TMEM108: variants seen among roughly 807,000 people sequenced by gnomAD.
TMEM108 encodes transmembrane protein 108, also known as cancer/testis antigen 124.
Under a neutral mutation model 35.1 loss-of-function variants are expected in TMEM108, and 12 were observed. The ratio of observed to expected loss-of-function variants is 0.34; its 90% CI spans 0.22 to 0.55. The LOEUF is 0.55. Among genes scored for constraint, TMEM108 ranks in the 20% least tolerant of loss-of-function variants. The pLI is 0.89. For missense variants in TMEM108, 680 were observed against 753.3 expected (o/e 0.90, Z 1.14); for synonymous variants, 287 against 308.6 (o/e 0.93, Z 0.73).
chr3:133,299,562 C>T (rs981509884), intron 3 of TMEM108, among the ~76,000 whole-genome samples: 1 of 152,190 alleles, frequency 6.6e-6, no homozygotes, highest in Non-Finnish European at 1.5e-5. Context: ...ATTATGCCCT[C>T]ATCATGCTTA....
At chr3:133,353,247 G>A (rs2072061079) in intron 3 of TMEM108, among the ~76,000 whole-genome samples, 1 of 151,900 alleles carries the variant, frequency 6.6e-6, no homozygotes. Flanking sequence ...GGGAAGTCAG[G>A]GTATTAATAA....
chr3:133,038,988 C>T lies in TMEM108; in HGVS notation c.-166+553C>T, dbSNP rs140027733. The stretch of plus-strand genomic sequence containing the variant: ...CCGGGGACGGAGCCTCCGTGCTGCC[C>T]GGGAGGTTGCTCTGCCGGCTGGACC... On this transcript the variant is annotated intron_variant, in intron 1 of 5. Transcript: ENST00000321871. Among the ~76,000 whole-genome samples, 32 of 152,286 alleles carry T rather than the reference C, an allele frequency of 2.1e-4. No individual in the cohort carries two copies. The East Asian group carries it at 6.0e-3, about 28-fold the overall frequency.
chr3:133,314,710 T>C (rs371313656), intron 3 of TMEM108, among the ~76,000 whole-genome samples: 154 of 152,348 alleles, frequency 1.0e-3, no homozygotes, highest in African/African-American at 3.7e-3. Flanking sequence ...GAATCCATCC[T>C]GGTAATTGGT....
chr3:133,319,526 G>C (rs1228293018), intron 3 of TMEM108, among the ~76,000 whole-genome samples: 1 of 152,186 alleles, frequency 6.6e-6, no homozygotes, highest in Non-Finnish European at 1.5e-5. Context: ...CAGTGGTCCT[G>C]AGTCTGTCCA....
chr3:133,268,765 G>C (rs1481584477), intron 3 of TMEM108, among the ~76,000 whole-genome samples: 2 of 152,170 alleles, frequency 1.3e-5, no homozygotes, highest in African/African-American at 2.4e-5. Context: ...TTGTCTCAGA[G>C]TCTGAAGAAC....
At chr3:133,197,916 A>G (rs1542255) in intron 2 of TMEM108, among the ~76,000 whole-genome samples, 68,539 of 152,116 alleles carry the variant, frequency 0.45, 16,671 homozygotes, top group African/African-American at 0.65. Context: ...AAAACCTTCC[A>G]TCTTTTGTCT....
intron 3 of TMEM108, among the ~76,000 whole-genome samples, chr3:133,367,843 TCAA>T (rs971643602): frequency 3.3e-5 from 5 of 152,214 alleles, no homozygotes; most frequent in African/African-American, 1.2e-4. Context: ...TCCTTCCTCC[TCAA>T]CAAGTTCTTT....
intron 3 of TMEM108, among the ~76,000 whole-genome samples, chr3:133,272,862 A>G (rs1946792277): frequency 6.6e-6 from 1 of 152,126 alleles, no homozygotes; most frequent in Admixed American, 6.5e-5. Flanking sequence ...ATGACTGGGA[A>G]ATGATATTGG....
At chr3:133,040,578 A>G (rs929830228) in intron 1 of TMEM108, among the ~76,000 whole-genome samples, 2 of 152,122 alleles carry the variant, frequency 1.3e-5, no homozygotes, top group Non-Finnish European at 1.5e-5. Flanking sequence ...GGCATAGTAT[A>G]CACTTTTATT....
At chr3:133,162,167 A>G (rs1407483213) in intron 2 of TMEM108, among the ~76,000 whole-genome samples, 3 of 151,172 alleles carry the variant, frequency 2.0e-5, no homozygotes, top group Non-Finnish European at 2.9e-5. Context: ...TTTTTCATAT[A>G]TACAAAAGGT....
At chr3:133,225,472 C>A (rs191546869) in intron 2 of TMEM108, among the ~76,000 whole-genome samples, 12 of 152,106 alleles carry the variant, frequency 7.9e-5, no homozygotes, top group Admixed American at 7.9e-4. Flanking sequence ...CCCCCCTCCC[C>A]CAAAGAAGAA....
chr3:133,129,299 C>T (rs1042017467), intron 2 of TMEM108, among the ~76,000 whole-genome samples: 9 of 151,570 alleles, frequency 5.9e-5, no homozygotes, highest in Admixed American at 1.3e-4. Flanking sequence ...GCATCGAGAT[C>T]GTACCACTGC....
chr3:133,202,772 G>A (rs1330671626), intron 2 of TMEM108, among the ~76,000 whole-genome samples: 1 of 152,182 alleles, frequency 6.6e-6, no homozygotes, highest in Non-Finnish European at 1.5e-5. Context: ...TCTTGGCAAT[G>A]TGGGCTCTTT....
At position 133,038,463 on chromosome 3, in the gene TMEM108, A is replaced by AG. The variant is rs1027560955; in HGVS notation, c.-166+29dup. On this transcript the variant is annotated intron_variant, in intron 1 of 5. Transcript: ENST00000321871. ...AAGCGGCGCTCCGGGGCGTCCCCCC[A>AG]GTCCTTCCCATGCTGGGTCCCGGCA... 7.9e-5 allele frequency: 12 copies of AG among 152,484 alleles called. 1 individual carries two copies. Among genetic ancestry groups the AG allele is most frequent in the African/African-American group, 2.9e-4 (12 of 41,582 alleles). The allele number at this position is 152,484 out of a possible 1,614,324, so 9.4% of individuals were successfully genotyped here. A position where few individuals can be genotyped will look rare whatever the true frequency, so the allele number is the denominator to read the frequency against.
chr3:133,331,999 C>T (rs960837953), intron 3 of TMEM108, among the ~76,000 whole-genome samples: 1 of 152,208 alleles, frequency 6.6e-6, no homozygotes, highest in Non-Finnish European at 1.5e-5. Flanking sequence ...TTCTACAGCA[C>T]ATTCTTGTGC....
At chr3:133,166,968 G>A (rs1244050458) in intron 2 of TMEM108, among the ~76,000 whole-genome samples, 1 of 152,162 alleles carries the variant, frequency 6.6e-6, no homozygotes, top group African/African-American at 2.4e-5. Context: ...GGTATTGATT[G>A]GTGCATTTAC....
At position 133,396,128 on chromosome 3, in the gene TMEM108, C is replaced by A; in HGVS notation, c.*142C>A. The A allele has an allele frequency of 4.2e-6, 2 of 472,134 alleles. No homozygotes were observed. The highest frequency in any genetic ancestry group is 5.8e-6 in the Non-Finnish European group (2 of 341,970). 29.2% of individuals were successfully genotyped at this position (472,134 alleles called of 1,614,324 possible). A position where few individuals can be genotyped will look rare whatever the true frequency, so the allele number is the denominator to read the frequency against. ...AGCTTTTTTTCCTATGAATTGTCAACATCTTTTTTACAAGTGTGGTTTAAA... is the reference window on the plus strand; with the variant it reads ...AGCTTTTTTTCCTATGAATTGTCAAAATCTTTTTTACAAGTGTGGTTTAAA... On this transcript the variant is annotated 3_prime_UTR_variant, in exon 6 of 6. Transcript: ENST00000321871.
At chr3:133,268,280 C>T (rs55794041) in intron 3 of TMEM108, among the ~76,000 whole-genome samples, 46,469 of 152,072 alleles carry the variant, frequency 0.31, 7,828 homozygotes, top group East Asian at 0.47. Flanking sequence ...ATCATGTGGG[C>T]CCATATCAGG....
intron 2 of TMEM108, among the ~76,000 whole-genome samples, chr3:133,073,093 TTAAA>T (rs1480014078): frequency 6.6e-6 from 1 of 152,182 alleles, no homozygotes; most frequent in Non-Finnish European, 1.5e-5. Context: ...ATTAAGCTAA[TTAAA>T]ATATGAATTA....
Sources: allele counts gnomAD v4.1 joint callset (sites outside exome capture counted in the v4.1 genomes callset), GRCh38; gene constraint gnomAD v4.1.1; transcripts MANE v1.5; gene names NCBI Gene and HGNC (gene_info 2026-07-23, HGNC 2026-07-21).